Variants in IGLL5 observed in about 807,000 individuals in gnomAD.
IGLL5 encodes immunoglobulin lambda like polypeptide 5.
In IGLL5, 30 loss-of-function variants were observed where a neutral mutation model predicts 20.9. The ratio of observed to expected loss-of-function variants is 1.44; its 90% CI spans 1.07 to 1.95. The LOEUF (loss-of-function observed/expected upper bound fraction) is 1.95. Ranked by LOEUF, IGLL5 falls within the 30% of genes most tolerant of loss-of-function variation. The probability of loss-of-function intolerance (pLI) is 0.00; values close to 1 mark genes in which losing one functional copy is unlikely to be tolerated. For missense variants in IGLL5, 475 were observed against 270.7 expected (o/e 1.75, Z -5.30); for synonymous variants, 203 against 117.3 (o/e 1.73, Z -4.72).
At chr22:22,888,732 T>A (rs565607352) in intron 1 of IGLL5, among the ~76,000 whole-genome samples, 2 of 151,314 alleles carry the variant, frequency 1.3e-5, no homozygotes, top group African/African-American at 4.9e-5. Flanking sequence ...CAAGGCTGTC[T>A]GTTCACCAAC....
intron 2 of IGLL5, among the ~76,000 whole-genome samples, chr22:22,894,232 C>G: frequency 6.6e-6 from 1 of 151,132 alleles, no homozygotes; most frequent in Non-Finnish European, 1.5e-5. Context: ...GGAGCAGCCC[C>G]AAGAACAGCT....
intron 2 of IGLL5, among the ~76,000 whole-genome samples, chr22:22,894,610 A>T (rs2066673608): frequency 6.6e-6 from 1 of 151,018 alleles, no homozygotes; most frequent in Admixed American, 6.6e-5. Flanking sequence ...GAGGGGAGTG[A>T]ATGAGGGGTG....
In IGLL5 at chr22:22,888,092, T is replaced by A. The variant is rs1212789617; in HGVS notation, c.39T>A (p.Pro13=). ...PKTGQVGCET[P]EELGPGPRQR... ...CAGGCCAAGTGGGTTGTGAGACCCC[T>A]GAGGAGCTGGGCCCTGGTCCCAGGC... Residue 13 remains proline, a synonymous_variant, in exon 1 of 3, where the codon CCT becomes CCA. Coordinates refer to ENST00000526893, the MANE Select transcript of IGLL5 (RefSeq NM_001178126.2). 5 of 1,549,346 alleles carry A rather than the reference T, an allele frequency of 3.2e-6. No homozygotes were observed. The highest frequency in any genetic ancestry group is 2.7e-5 in the African/African-American group (2 of 72,930).
Position 22,887,906 on chromosome 22 carries a change from C to T in IGLL5, c.-148C>T. On this transcript the variant is annotated 5_prime_UTR_variant, in exon 1 of 3. Transcript: ENST00000526893. ...ACCCTGGAAGGGCCTGGGCTAGGGA[C>T]AGGGACCAGAGCCAGTCCAGGGAGA... 1 of 719,308 alleles carries T rather than the reference C, an allele frequency of 1.4e-6. No homozygotes were observed. Among genetic ancestry groups the T allele is most frequent in the East Asian group, 2.7e-5 (1 of 36,940 alleles). 44.6% of individuals were successfully genotyped at this position (719,308 alleles called of 1,614,324 possible). A position where few individuals can be genotyped will look rare whatever the true frequency, so the allele number is the denominator to read the frequency against.
intron 1 of IGLL5, among the ~76,000 whole-genome samples, chr22:22,888,974 G>A (rs1351591940): frequency 5.3e-5 from 8 of 151,376 alleles, no homozygotes; most frequent in South Asian, 2.1e-4. Context: ...GAGAGCACAG[G>A]ATGAGGCTGG....
At chr22:22,894,040 G>C (rs533712149) in intron 2 of IGLL5, among the ~76,000 whole-genome samples, 28 of 150,546 alleles carry the variant, frequency 1.9e-4, no homozygotes, top group Middle Eastern at 3.8e-3. Context: ...CGGGGCCTGA[G>C]CTGGGATTGG....
rs1601622009 is a variant in IGLL5 at position 22,893,941 on chromosome 22, C to G, written c.325+123C>G. On this transcript the variant is annotated intron_variant, in intron 2 of 2. Coordinates refer to ENST00000526893, the MANE Select transcript of IGLL5 (RefSeq NM_001178126.2). ...GCCTTAAGCACTGACCCTTACCTTTCTCCATGGGGCCTGGAGGAGGTGCAT... is the reference window on the plus strand; with the variant it reads ...GCCTTAAGCACTGACCCTTACCTTTGTCCATGGGGCCTGGAGGAGGTGCAT... 11 of 754,910 alleles carry G rather than the reference C, an allele frequency of 1.5e-5. 1 individual carries two copies. Among genetic ancestry groups the G allele is most frequent in the Admixed American group, 7.9e-5 (4 of 50,726 alleles). 46.8% of individuals were successfully genotyped at this position (754,910 alleles called of 1,614,324 possible).
At chr22:22,888,359 A>G (rs1282466031) in intron 1 of IGLL5, 100 bp downstream of exon 1, 9 of 1,134,518 alleles carry the variant, frequency 7.9e-6, no homozygotes, top group Middle Eastern at 6.0e-4. Flanking sequence ...AGGAAGGTTA[A>G]CCCCTAAGAG....
chr22:22,892,237 CTATTA>C (rs2067870967), intron 1 of IGLL5, among the ~76,000 whole-genome samples: 1 of 151,206 alleles, frequency 6.6e-6, no homozygotes, highest in African/African-American at 2.4e-5. Context: ...ATTTATATTA[CTATTA>C]TATTAAATTC....
chr22:22,893,844 C>T (rs781523087), intron 2 of IGLL5, 26 bp downstream of exon 2: 16 of 1,408,902 alleles, frequency 1.1e-5, no homozygotes, highest in Admixed American at 3.4e-5. Flanking sequence ...CCTTTCCCAG[C>T]CTGTCTCACC....
chr22:22,895,870 GC>G lies in IGLL5; in HGVS notation c.*177del. On this transcript the variant is annotated 3_prime_UTR_variant, in exon 3 of 3. Transcript: ENST00000526893. ...TCTCATTTTTTTTCTCACATAAATT[GC>G]TAGCCTCCCCGGGGTTCTCAGTGTG... The G allele has an allele frequency of 1.4e-6, 1 of 700,722 alleles. No individual in the cohort carries two copies. Among genetic ancestry groups the G allele is most frequent in the South Asian group, 1.8e-5 (1 of 54,720 alleles). The allele number at this position is 700,722 out of a possible 1,614,324, so 43.4% of individuals were successfully genotyped here.
chr22:22,888,550 A>C (rs538770346), intron 1 of IGLL5, among the ~76,000 whole-genome samples: 9 of 151,344 alleles, frequency 5.9e-5, no homozygotes, highest in South Asian at 2.1e-4. Context: ...TCCTCTGGGT[A>C]GGGAAGGAAC....
intron 1 of IGLL5, among the ~76,000 whole-genome samples, chr22:22,888,789 G>T: frequency 6.6e-6 from 1 of 151,438 alleles, no homozygotes; most frequent in South Asian, 2.1e-4. Context: ...CACAGGGAGG[G>T]TGGGATGAAC....
intron 2 of IGLL5, among the ~76,000 whole-genome samples, chr22:22,894,380 T>A (rs974583988): frequency 2.0e-5 from 3 of 151,382 alleles, no homozygotes; most frequent in South Asian, 2.1e-4. Flanking sequence ...CTGTGGCCTG[T>A]GCTGGGTCAT....
At position 22,888,143 on chromosome 22, in the gene IGLL5, T is replaced by C. The variant is rs776903072; in HGVS notation, c.90T>C (p.Gly30=). The C allele has an allele frequency of 1.9e-6, 3 of 1,549,582 alleles. No homozygotes were observed. Among genetic ancestry groups the C allele is most frequent in the East Asian group, 2.5e-5 (1 of 40,682 alleles). The change falls in exon 1 of 3, where the codon GGT becomes GGC. Residue 30 remains glycine, a synonymous_variant. Coordinates refer to ENST00000526893, the MANE Select transcript of IGLL5 (RefSeq NM_001178126.2). ...AGCGCTGGCCCCTGCTGCTGCTGGG[T>C]CTGGCCATGGTCGCCCATGGCCTGC... ...PRQRWPLLLL[G]LAMVAHGLLR...
In IGLL5 at chr22:22,894,712, G is replaced by A. The variant is rs2066686485; in HGVS notation, c.326-663G>A. Among the ~76,000 whole-genome samples the A allele has an allele frequency of 2.6e-5, 4 of 151,474 alleles. 1 individual carries two copies. The highest frequency in any genetic ancestry group is 4.0e-4 in the East Asian group (2 of 4,952). ...CTGCTGAGTCTCATAGTCTGTGGGA[G>A]CAGCCCCAGGAACAGCTGAGGTGAA... is the stretch of plus-strand genomic sequence containing the variant. On this transcript the variant is annotated intron_variant, in intron 2 of 2. Coordinates refer to ENST00000526893, the MANE Select transcript of IGLL5 (RefSeq NM_001178126.2).
chr22:22,895,266 C>T, intron 2 of IGLL5, 109 bp from the exon 3 acceptor site: 3 of 1,000,460 alleles, frequency 3.0e-6, no homozygotes, highest in Middle Eastern at 3.1e-4. Flanking sequence ...CCCGGGTGGA[C>T]CGGATGGCCA....
chr22:22,895,615 C>T lies in IGLL5; in HGVS notation c.566C>T (p.Ser189Phe). 1 of 1,613,326 alleles carries T rather than the reference C, an allele frequency of 6.2e-7. No homozygotes were observed. The stretch of plus-strand genomic sequence containing the variant: ...AGCCTGACGCCCGAGCAGTGGAAGT[C>T]CCACAGAAGCTACAGCTGCCAGGTC... ...YLSLTPEQWK[S>F]HRSYSCQVTH... is the part of the protein sequence containing the mutation. The change falls in exon 3 of 3, where the codon TCC becomes TTC. Residue 189 changes from serine to phenylalanine, a missense_variant. Coordinates refer to ENST00000526893, the MANE Select transcript of IGLL5 (RefSeq NM_001178126.2).
At chr22:22,894,393 G>T (rs533995492) in intron 2 of IGLL5, among the ~76,000 whole-genome samples, 2 of 151,432 alleles carry the variant, frequency 1.3e-5, no homozygotes, top group African/African-American at 4.8e-5. Flanking sequence ...TGGGTCATGA[G>T]GACATGGGGA....
Sources: allele counts gnomAD v4.1 joint callset (sites outside exome capture counted in the v4.1 genomes callset), GRCh38; gene constraint gnomAD v4.1.1; transcripts MANE v1.5; gene names NCBI Gene and HGNC (gene_info 2026-07-23, HGNC 2026-07-21).